SHCBP1: variants seen among roughly 807,000 people sequenced by gnomAD.
SHCBP1 encodes SHC binding and spindle associated 1, also known as SHC SH2 domain-binding protein 1.
SHCBP1 carries 60 observed loss-of-function variants against 75.1 expected under a neutral mutation model. The observed-to-expected ratio is 0.80, with a 90% CI of 0.65 to 0.99. The LOEUF (loss-of-function observed/expected upper bound fraction) is 0.99, where lower values mean the gene tolerates loss of function less well. SHCBP1 is among the 50% of genes least tolerant of loss of function. The pLI is 0.00. For missense variants in SHCBP1, 709 were observed against 809.4 expected (o/e 0.88, Z 1.50); for synonymous variants, 290 against 293.2 (o/e 0.99, Z 0.11).
chr16:46,583,419 C>A (rs1028039238), intron 12 of SHCBP1, 97 bp downstream of exon 12: 2 of 1,330,214 alleles, frequency 1.5e-6, no homozygotes, highest in African/African-American at 3.0e-5. Context: ...TCCCAACAAC[C>A]TTTTTTAAGG....
At chr16:46,596,279 G>C (rs1043787655) in intron 9 of SHCBP1, among the ~76,000 whole-genome samples, 1 of 151,974 alleles carries the variant, frequency 6.6e-6, no homozygotes, top group Non-Finnish European at 1.5e-5. Flanking sequence ...GCCGAGGGGG[G>C]CAGAACACCC....
rs1369627433 is a variant in SHCBP1 at position 46,618,053 on chromosome 16, G to C, written c.271+152C>G. 5.1e-6 allele frequency: 4 copies of C among 780,068 alleles called. No individual in the cohort carries two copies. In the Admixed American group the frequency reaches 1.2e-4, roughly 24 times the overall value. 48.3% of individuals were successfully genotyped at this position (780,068 alleles called of 1,614,324 possible). Reference sequence around the variant, plus strand: ...TTATCTGGTGGTATGGCGCATGCCTGTAATCCCAGCTACTAGGGAGGCTGA... The same window carrying C: ...TTATCTGGTGGTATGGCGCATGCCTCTAATCCCAGCTACTAGGGAGGCTGA... On this transcript the variant is annotated intron_variant, in intron 2 of 12. Transcript: ENST00000303383.
At chr16:46,615,851 T>A in intron 4 of SHCBP1, 95 bp downstream of exon 4, 1 of 1,079,522 alleles carries the variant, frequency 9.3e-7, no homozygotes, top group Non-Finnish European at 1.4e-6. Context: ...AGTTTACAGT[T>A]GAGTTTTAAA....
chr16:46,582,040 T>C lies in SHCBP1; in HGVS notation c.1708A>G (p.Lys570Glu), dbSNP rs780451306. ...TCTGGCTCTCCACTTGTCTGAATTT[T>C]AAGCGCTTTATTTTCTGGAGAAACA... ...EDGTEENKAL[K>E]IQTSGEPDVA... The change falls in exon 13 of 13, where the codon AAA becomes GAA. Residue 570 changes from lysine to glutamate, a missense_variant. Lys to Glu is a moderately conservative substitution (Grantham distance 56, BLOSUM62 1). Coordinates refer to ENST00000303383, the MANE Select transcript of SHCBP1 (RefSeq NM_024745.5). The C allele has an allele frequency of 6.2e-7, 1 of 1,601,478 alleles. No homozygotes were observed. Among genetic ancestry groups the C allele is most frequent in the South Asian group, 1.1e-5 (1 of 88,410 alleles).
intron 4 of SHCBP1, among the ~76,000 whole-genome samples, chr16:46,613,143 C>A (rs963211070): frequency 6.6e-6 from 1 of 152,062 alleles, no homozygotes; most frequent in African/African-American, 2.4e-5. Flanking sequence ...CACAACGAGA[C>A]CCCCATCTCT....
intron 9 of SHCBP1, among the ~76,000 whole-genome samples, chr16:46,596,793 T>C (rs1965151167): frequency 6.6e-6 from 1 of 151,260 alleles, no homozygotes; most frequent in South Asian, 2.1e-4. Context: ...AGTGGTGCGA[T>C]CTTGGCTCAC....
At chr16:46,596,505 C>T (rs945361486) in intron 9 of SHCBP1, among the ~76,000 whole-genome samples, 16 of 151,792 alleles carry the variant, frequency 1.1e-4, no homozygotes, top group Non-Finnish European at 1.3e-4. Context: ...AGACCTCTGC[C>T]TCTTGGTTTC....
intron 5 of SHCBP1, among the ~76,000 whole-genome samples, chr16:46,607,119 C>T (rs1407313811): frequency 3.9e-5 from 6 of 152,078 alleles, no homozygotes; most frequent in African/African-American, 9.7e-5. Flanking sequence ...CTTTGGGAGG[C>T]GGAGGCAGGC....
Position 46,581,827 on chromosome 16 carries a change from C to T in SHCBP1, c.1921G>A (p.Ala641Thr), listed in dbSNP as rs766254686. 4 of 1,614,220 alleles carry T rather than the reference C, an allele frequency of 2.5e-6. No individual in the cohort carries two copies. The highest frequency in any genetic ancestry group is 3.4e-6 in the Non-Finnish European group (4 of 1,180,048). The change falls in exon 13 of 13, where the codon GCT becomes ACT. Residue 641 changes from alanine to threonine, a missense_variant. Coordinates refer to ENST00000303383, the MANE Select transcript of SHCBP1 (RefSeq NM_024745.5). ...TCCTGTGACATTAAGTTGTCATCAG[C>T]TTGCGTGATCCCCAGTTCACTCAAC... ...KRLSELGITQ[A>T]DDNLMSQEMF...
intron 9 of SHCBP1, among the ~76,000 whole-genome samples, chr16:46,597,182 G>A (rs188522457): frequency 6.6e-6 from 1 of 152,220 alleles, no homozygotes; most frequent in East Asian, 1.9e-4. Context: ...AGTCTGGGGT[G>A]GGTGGATCAC....
chr16:46,607,913 T>C (rs780126611), intron 5 of SHCBP1, among the ~76,000 whole-genome samples: 7 of 152,246 alleles, frequency 4.6e-5, no homozygotes, highest in Admixed American at 1.3e-4. Flanking sequence ...ATTCAAATAA[T>C]GTCACTGTTT....
At chr16:46,593,879 C>A (rs1965090430) in intron 10 of SHCBP1, among the ~76,000 whole-genome samples, 1 of 152,056 alleles carries the variant, frequency 6.6e-6, no homozygotes. Flanking sequence ...CATGATCTTT[C>A]GTGGATATAG....
chr16:46,610,915 G>A (rs1223059979), intron 4 of SHCBP1, among the ~76,000 whole-genome samples: 84 of 152,174 alleles, frequency 5.5e-4, no homozygotes, highest in Non-Finnish European at 4.4e-5. Flanking sequence ...CTACAGACCT[G>A]CAGGCCTTCA....
Position 46,595,575 on chromosome 16 carries a change from T to C in SHCBP1, c.1441A>G (p.Asn481Asp). 1 of 1,614,064 alleles carries C rather than the reference T, an allele frequency of 6.2e-7. No homozygotes were observed. Among genetic ancestry groups the C allele is most frequent in the South Asian group, 1.1e-5 (1 of 91,076 alleles). ...ACCTTGGCGCCATATAAATCCGAGT[T>C]CTTCATTAGAAACTCTGCTGATGTC... is the stretch of plus-strand genomic sequence containing the variant. Reference protein sequence around the residue: ...VRTSAEFLMKNSDLYGAKGAG... With the variant: ...VRTSAEFLMKDSDLYGAKGAG... Residue 481 changes from asparagine (N) to aspartate (D), a missense_variant, in exon 10 of 13, where the codon AAC (asparagine) becomes GAC (aspartate). Coordinates refer to ENST00000303383, the MANE Select transcript of SHCBP1 (RefSeq NM_024745.5).
At position 46,603,678 on chromosome 16, in the gene SHCBP1, A is replaced by G. The variant is rs774282982; in HGVS notation, c.1093-19T>C. ...TATGGAACTAGAAAACAATAAGAAC[A>G]CATTTGTAAATATACACTCCCAAAA... On this transcript the variant is annotated intron_variant, in intron 7 of 12. Transcript: ENST00000303383. 8.7e-6 allele frequency: 14 copies of G among 1,613,700 alleles called. No individual in the cohort carries two copies. The African/African-American group carries it at 1.7e-4, about 20-fold the overall frequency.
rs1567440186 is a variant in SHCBP1 at position 46,581,851 on chromosome 16, A to C, written c.1897T>G (p.Leu633Val). ...TQKGQIKKKRLSELGITQADD... is the reference protein window; with the variant it reads ...TQKGQIKKKRVSELGITQADD... ...GCTTGCGTGATCCCCAGTTCACTCA[A>C]CCTTTTCTTCTTTATCTGGCCTTTC... Residue 633 changes from leucine (L) to valine (V), a missense_variant, in exon 13 of 13, where the codon TTG (leucine) becomes GTG (valine). Coordinates refer to ENST00000303383, the MANE Select transcript of SHCBP1 (RefSeq NM_024745.5). 1 of 1,614,046 alleles carries C rather than the reference A, an allele frequency of 6.2e-7. No individual in the cohort carries two copies. Among genetic ancestry groups the C allele is most frequent in the Admixed American group, 1.7e-5 (1 of 60,004 alleles).
At chr16:46,599,806 A>G in intron 9 of SHCBP1, 25 bp downstream of exon 9, 1 of 1,573,988 alleles carries the variant, frequency 6.4e-7, no homozygotes, top group Non-Finnish European at 8.6e-7. Flanking sequence ...AGAACAAATG[A>G]TATACCAAAC....
At chr16:46,583,486 G>T (rs775422088) in intron 12 of SHCBP1, 30 bp downstream of exon 12, 14 of 1,568,706 alleles carry the variant, frequency 8.9e-6, no homozygotes, top group Non-Finnish European at 8.6e-6. Context: ...AATTATGTCT[G>T]GTTTTTATAT....
At chr16:46,619,649 G>T (rs1965555139) in intron 1 of SHCBP1, among the ~76,000 whole-genome samples, 1 of 152,204 alleles carries the variant, frequency 6.6e-6, no homozygotes, top group South Asian at 2.1e-4. Context: ...AGAAATAGTA[G>T]TACTTCAGCA....
Sources: allele counts gnomAD v4.1 joint callset (sites outside exome capture counted in the v4.1 genomes callset), GRCh38; gene constraint gnomAD v4.1.1; transcripts MANE v1.5; gene names NCBI Gene and HGNC (gene_info 2026-07-23, HGNC 2026-07-21).